The following SFMBT1 variants were observed in gnomAD, a reference collection of about 807,000 sequenced individuals.
The protein encoded by SFMBT1 is Scm like with four mbt domains 1.
In SFMBT1, 32 loss-of-function variants were observed where a neutral mutation model predicts 108.7. The ratio of observed to expected loss-of-function variants is 0.29; its 90% confidence interval spans 0.22 to 0.40. The LOEUF is 0.40. Ranked by LOEUF, SFMBT1 falls within the 10% of genes least tolerant of loss-of-function variation. The probability of loss-of-function intolerance (pLI) is 1.00; values close to 1 mark genes in which losing one functional copy is unlikely to be tolerated. For synonymous variants in SFMBT1, 348 were observed against 369.5 expected (o/e 0.94, Z 0.67); for missense variants, 816 against 1,059.6 (o/e 0.77, Z 3.19).
At chr3:53,019,474 T>G (rs181855335) in intron 1 of SFMBT1, among the ~76,000 whole-genome samples, 52 of 152,258 alleles carry the variant, frequency 3.4e-4, no homozygotes, top group African/African-American at 1.3e-3. Context: ...GGAATTTCCA[T>G]TTTAATGTTA....
intron 1 of SFMBT1, among the ~76,000 whole-genome samples, chr3:53,038,854 G>A (rs1699946926): frequency 6.6e-6 from 1 of 152,224 alleles, no homozygotes; most frequent in African/African-American, 2.4e-5. Flanking sequence ...TGGGGATTGA[G>A]TCACTGAATA....
intron 1 of SFMBT1, among the ~76,000 whole-genome samples, chr3:53,027,648 A>T (rs893412212): frequency 5.9e-5 from 9 of 152,230 alleles, no homozygotes; most frequent in Non-Finnish European, 1.2e-4. Flanking sequence ...TATTTCTGAC[A>T]AGTCCTAGTG....
intron 3 of SFMBT1, among the ~76,000 whole-genome samples, chr3:52,951,305 T>C (rs1000903319): frequency 6.6e-6 from 1 of 151,810 alleles, no homozygotes; most frequent in Non-Finnish European, 1.5e-5. Context: ...AATTTAGAGC[T>C]GTGTATCAAG....
At chr3:53,035,580 CAA>C (rs1333274697) in intron 1 of SFMBT1, among the ~76,000 whole-genome samples, 2 of 152,150 alleles carry the variant, frequency 1.3e-5, no homozygotes, top group Non-Finnish European at 2.9e-5. Flanking sequence ...TAGCAACTTT[CAA>C]AAGAGTCAGC....
intron 1 of SFMBT1, among the ~76,000 whole-genome samples, chr3:53,009,865 T>G (rs371271148): frequency 6.6e-6 from 1 of 152,160 alleles, no homozygotes; most frequent in Non-Finnish European, 1.5e-5. Context: ...TACTATTCAC[T>G]AAGTGGAATG....
intron 13 of SFMBT1, 144 bp from the exon 14 acceptor site, chr3:52,916,358 T>A: frequency 2.3e-3 from 22 of 9,610 alleles, no homozygotes; most frequent in Middle Eastern, 0.036. Context: ...TGATGATACT[T>A]TTTTTTTTTT....
chr3:52,962,756 G>A (rs1044291444), intron 2 of SFMBT1, among the ~76,000 whole-genome samples: 25 of 143,136 alleles, frequency 1.7e-4, no homozygotes, highest in Non-Finnish European at 3.0e-4. Flanking sequence ...GCAGTGAGCC[G>A]AGGTTGTGCC....
Position 52,911,175 on chromosome 3 carries a change from A to G in SFMBT1, c.1734T>C (p.Tyr578=). The G allele has an allele frequency of 6.2e-7, 1 of 1,601,074 alleles. No homozygotes were observed. The highest frequency in any genetic ancestry group is 1.1e-5 in the South Asian group (1 of 88,570). The part of the protein sequence containing the change: ...HGCGEVLKAK[Y]KGKSYRATVE... ...CAGTAGCCCGATAACTCTTTCCTTT[A>G]TATCTGCCATTGGAAGACATCAGAT... The change falls in exon 17 of 21, where the codon TAT becomes TAC. Residue 578 remains tyrosine (Y), a synonymous_variant. Transcript: ENST00000394752.
At chr3:52,940,614 G>C (rs2336541) in intron 4 of SFMBT1, among the ~76,000 whole-genome samples, 13,786 of 152,128 alleles carry the variant, frequency 0.091, 639 homozygotes, top group African/African-American at 0.099. Flanking sequence ...ATTAAGAAAT[G>C]TAGAAGAAAT....
chr3:53,000,978 G>A (rs1698528502), intron 1 of SFMBT1, among the ~76,000 whole-genome samples: 1 of 150,286 alleles, frequency 6.7e-6, no homozygotes, highest in Non-Finnish European at 1.5e-5. Flanking sequence ...CGCATTGGCT[G>A]TGAGTTTATT....
intron 1 of SFMBT1, among the ~76,000 whole-genome samples, chr3:53,041,161 T>C (rs1700039817): frequency 6.6e-6 from 1 of 151,790 alleles, no homozygotes; most frequent in African/African-American, 2.4e-5. Context: ...AGTGACTGCC[T>C]GAAGACAAAA....
chr3:52,912,476 C>G, intron 16 of SFMBT1, 62 bp downstream of exon 16: 1 of 1,452,290 alleles, frequency 6.9e-7, no homozygotes, highest in East Asian at 2.3e-5. Context: ...CTGTGCCACG[C>G]CGATTCTGTG....
intron 1 of SFMBT1, among the ~76,000 whole-genome samples, chr3:52,982,577 A>C (rs1462531052): frequency 1.3e-5 from 2 of 151,932 alleles, no homozygotes; most frequent in Admixed American, 1.3e-4. Context: ...AAAAATACAA[A>C]AATTAGCCGG....
intron 2 of SFMBT1, among the ~76,000 whole-genome samples, chr3:52,965,038 C>T (rs1291758863): frequency 6.6e-6 from 1 of 152,032 alleles, no homozygotes; most frequent in African/African-American, 2.4e-5. Flanking sequence ...TTTCAAAGTC[C>T]TAAAATTAAC....
In SFMBT1 at chr3:53,008,085, C is replaced by T. The variant is rs1454595214; in HGVS notation, c.-131+37731G>A. 5.6e-5 allele frequency among the ~76,000 whole-genome samples: 8 copies of T among 143,580 alleles called. 1 individual carries two copies. The South Asian group carries it at 1.1e-3, about 19-fold the overall frequency. The allele number at this position is 143,580 out of a possible 152,430, so 94.2% of individuals were successfully genotyped here. A position where few individuals can be genotyped will look rare whatever the true frequency, so the allele number is the denominator to read the frequency against. On this transcript the variant is annotated intron_variant, in intron 1 of 20. Coordinates refer to ENST00000394752, the MANE Select transcript of SFMBT1 (RefSeq NM_016329.4). Reference sequence around the variant, plus strand: ...CCACCCCCGCAAAAAAAAAAAAAGGCGGTGGGGAAAGGAGCTGGAAGGTCT... The same window carrying T: ...CCACCCCCGCAAAAAAAAAAAAAGGTGGTGGGGAAAGGAGCTGGAAGGTCT...
chr3:53,032,256 G>C (rs1451020250), intron 1 of SFMBT1, among the ~76,000 whole-genome samples: 1 of 152,232 alleles, frequency 6.6e-6, no homozygotes, highest in Non-Finnish European at 1.5e-5. Flanking sequence ...TATGGTTCCA[G>C]CTACTTGGGA....
chr3:52,943,036 A>T (rs1274842926), intron 4 of SFMBT1, among the ~76,000 whole-genome samples: 1 of 152,224 alleles, frequency 6.6e-6, no homozygotes, highest in Non-Finnish European at 1.5e-5. Context: ...ACAGCACATC[A>T]GTCTGGCCCA....
intron 2 of SFMBT1, among the ~76,000 whole-genome samples, chr3:52,962,016 T>A (rs4515041): frequency 0.6 from 91,018 of 152,108 alleles, 27,702 homozygotes; most frequent in Middle Eastern, 0.68. Flanking sequence ...AAATGCATAA[T>A]CCTTAAATAT....
At chr3:53,012,694 G>A (rs975698667) in intron 1 of SFMBT1, among the ~76,000 whole-genome samples, 11 of 151,634 alleles carry the variant, frequency 7.3e-5, no homozygotes, top group East Asian at 5.8e-4. Flanking sequence ...GAGCCACCGC[G>A]CCCGGCCGAG....
Sources: allele counts gnomAD v4.1 joint callset (sites outside exome capture counted in the v4.1 genomes callset), GRCh38; gene constraint gnomAD v4.1.1; transcripts MANE v1.5; gene names NCBI Gene and HGNC (gene_info 2026-07-23, HGNC 2026-07-21).